Variants in HFM1 observed in about 807,000 individuals in gnomAD.
HFM1 encodes the protein helicase for meiosis 1.
HFM1 carries 169 observed loss-of-function variants against 192.1 expected under a neutral mutation model. The ratio of observed to expected loss-of-function variants is 0.88; its 90% CI spans 0.78 to 1.00. The LOEUF is 1.00. Among genes scored for constraint, HFM1 ranks in the 50% least tolerant of loss-of-function variants. The pLI is 0.00. For synonymous variants in HFM1, 525 were observed against 537.8 expected (o/e 0.98, Z 0.33); for missense variants, 1,661 against 1,668.0 (o/e 1.00, Z 0.07).
Position 91,394,230 on chromosome 1 carries a change from G to T in HFM1, c.357C>A (p.Gly119=), listed in dbSNP as rs1268384514. Residue 119 remains glycine, a synonymous_variant, in exon 4 of 39, where the codon GGC becomes GGA. Transcript: ENST00000370425. ...VGNNDLSHIA[G]KLTYASQKYK... is the part of the protein sequence containing the mutation. ...ATTTCTGAGAAGCATATGTCAGCTT[G>T]CCAGCAATATGTGATAAGTCATTAT... 6.3e-7 allele frequency: 1 copy of T among 1,597,936 alleles called. No individual in the cohort carries two copies. Among genetic ancestry groups the T allele is most frequent in the South Asian group, 1.1e-5 (1 of 90,806 alleles).
At chr1:91,266,152 C>G in intron 35 of HFM1, 45 bp from the exon 36 acceptor site, 1 of 1,488,506 alleles carries the variant, frequency 6.7e-7, no homozygotes. Flanking sequence ...CAAGAAACAG[C>G]TGAATGAAGC....
intron 36 of HFM1, among the ~76,000 whole-genome samples, chr1:91,265,305 T>C (rs746982461): frequency 8.5e-5 from 13 of 152,200 alleles, no homozygotes; most frequent in Non-Finnish European, 1.2e-4. Context: ...TTTTTTTGAA[T>C]TAGTTGTCAA....
intron 30 of HFM1, among the ~76,000 whole-genome samples, chr1:91,312,303 G>A (rs533641354): frequency 1.3e-5 from 2 of 152,204 alleles, no homozygotes; most frequent in African/African-American, 2.4e-5. Context: ...AAAAGCTGCA[G>A]ACACTCAACA....
chr1:91,357,403 C>A (rs1306316975), intron 13 of HFM1, among the ~76,000 whole-genome samples: 1 of 152,142 alleles, frequency 6.6e-6, no homozygotes, highest in Non-Finnish European at 1.5e-5. Flanking sequence ...AGTTCAACAT[C>A]CTTTCTTGAT....
chr1:91,357,225 A>G (rs564284127), intron 13 of HFM1, among the ~76,000 whole-genome samples: 7 of 152,326 alleles, frequency 4.6e-5, no homozygotes, highest in African/African-American at 1.7e-4. Flanking sequence ...AACTGAATTC[A>G]ACAACACATC....
chr1:91,402,854 G>GC (rs1250662145), intron 1 of HFM1, among the ~76,000 whole-genome samples: 5 of 152,070 alleles, frequency 3.3e-5, no homozygotes, highest in Admixed American at 6.5e-5. Context: ...TCTTCCTAAA[G>GC]CAACTACAAA....
At chr1:91,328,523 A>C in intron 20 of HFM1, 1 of 1,613,276 alleles carries the variant, frequency 6.2e-7, no homozygotes, top group African/African-American at 1.3e-5. Context: ...GCTGTTCGCC[A>C]GGGTGGGGAT....
chr1:91,381,049 TA>T, intron 6 of HFM1, 67 bp from the exon 7 acceptor site: 1 of 729,886 alleles, frequency 1.4e-6, no homozygotes. Context: ...ATTTTAAAAC[TA>T]AGTTACATTA....
At chr1:91,323,771 T>A (rs985602359) in intron 21 of HFM1, among the ~76,000 whole-genome samples, 4 of 152,206 alleles carry the variant, frequency 2.6e-5, no homozygotes, top group African/African-American at 9.6e-5. Context: ...AAACTCAAGA[T>A]CAGATGAGTT....
intron 35 of HFM1, among the ~76,000 whole-genome samples, chr1:91,267,065 A>C (rs556711959): frequency 6.6e-6 from 1 of 152,262 alleles, no homozygotes; most frequent in South Asian, 2.1e-4. Flanking sequence ...GGACTGATTT[A>C]TTTCTGTCAG....
intron 29 of HFM1, 43 bp downstream of exon 29, chr1:91,313,914 T>C: frequency 9.5e-7 from 1 of 1,054,122 alleles, no homozygotes; most frequent in South Asian, 1.5e-5. Flanking sequence ...TAAATGCAAT[T>C]ATATTATTTA....
chr1:91,348,415 T>C (rs1656433222), intron 18 of HFM1, among the ~76,000 whole-genome samples: 1 of 152,152 alleles, frequency 6.6e-6, no homozygotes, highest in Admixed American at 6.5e-5. Flanking sequence ...GCCACAGGTA[T>C]CAAATTTATA....
chr1:91,384,846 C>A (rs1275730708), intron 6 of HFM1, among the ~76,000 whole-genome samples: 2 of 151,628 alleles, frequency 1.3e-5, no homozygotes, highest in Admixed American at 6.6e-5. Context: ...CAGGTTCAAG[C>A]GATTCTCCTC....
Position 91,273,725 on chromosome 1 carries a change from T to A in HFM1, c.3759A>T (p.Glu1253Asp). 1 of 1,561,600 alleles carries A rather than the reference T, an allele frequency of 6.4e-7. No homozygotes were observed. Among genetic ancestry groups the A allele is most frequent in the Non-Finnish European group, 8.8e-7 (1 of 1,133,956 alleles). Reference protein sequence around the residue: ...IYGKVRQEPSEYQDKEVLNVN... With the variant: ...IYGKVRQEPSDYQDKEVLNVN... Reference sequence around the variant, plus strand: ...ATGGTAATTTACCTTTGTCTTGATATTCAGATGGTTCTTGTCTAACTTTTC... The same window carrying A: ...ATGGTAATTTACCTTTGTCTTGATAATCAGATGGTTCTTGTCTAACTTTTC... Residue 1253 changes from glutamate (E) to aspartate (D), a missense_variant, in exon 34 of 39, where the codon GAA (glutamate) becomes GAT (aspartate). Glu to Asp is a conservative substitution (Grantham distance 45). Coordinates refer to ENST00000370425, the MANE Select transcript of HFM1 (RefSeq NM_001017975.6).
chr1:91,399,491 A>G (rs1664054463), intron 2 of HFM1, among the ~76,000 whole-genome samples: 1 of 152,214 alleles, frequency 6.6e-6, no homozygotes, highest in African/African-American at 2.4e-5. Flanking sequence ...TATATCCAAA[A>G]TCCTTATTCC....
intron 23 of HFM1, among the ~76,000 whole-genome samples, chr1:91,321,583 C>T (rs1050706400): frequency 6.6e-5 from 10 of 152,072 alleles, no homozygotes; most frequent in African/African-American, 2.4e-4. Context: ...AGGGATATGA[C>T]AAAGCCATGA....
At chr1:91,377,463 A>G (rs1557487900) in intron 11 of HFM1, 1 of 152,196 alleles carries the variant, frequency 6.6e-6, no homozygotes, top group East Asian at 1.9e-4. Context: ...ACGTTTACTT[A>G]AAAATTGAAG....
rs547517897 is a variant in HFM1, at chr1:91,300,109, C to T, written c.3391+13240G>A. Among the ~76,000 whole-genome samples the T allele has an allele frequency of 4.4e-3, 663 of 152,136 alleles. 19 individuals are homozygous for T. Among genetic ancestry groups the T allele is most frequent in the Admixed American group, 0.041 (627 of 15,284 alleles). ...AAAAATGATAAAGGGGATATCACCA[C>T]CGATCCCACAGAAATACAAACTACC... On this transcript the variant is annotated intron_variant, in intron 30 of 38. Coordinates refer to ENST00000370425, the MANE Select transcript of HFM1 (RefSeq NM_001017975.6).
chr1:91,398,545 C>A (rs1487594840), intron 2 of HFM1, among the ~76,000 whole-genome samples: 6 of 152,188 alleles, frequency 3.9e-5, no homozygotes, highest in African/African-American at 1.2e-4. Flanking sequence ...ATTCAAAATT[C>A]TTCAATGGCT....
Sources: gnomAD v4.1 joint callset for allele counts (sites outside exome capture counted in the v4.1 genomes callset) on GRCh38, gnomAD v4.1.1 for gene constraint, MANE v1.5 for transcripts, NCBI Gene and HGNC (gene_info 2026-07-23, HGNC 2026-07-21) for gene names.